The following NOVA1 variants were observed in gnomAD, a reference collection of about 807,000 sequenced individuals.
The protein encoded by NOVA1 is RNA-binding protein Nova-1.
Under a neutral mutation model 38.0 loss-of-function variants are expected in NOVA1, and 7 were observed. The observed-to-expected ratio is 0.18, with a 90% CI of 0.10 to 0.35. NOVA1 has a LOEUF of 0.35. Among genes scored for constraint, NOVA1 ranks in the 10% least tolerant of loss-of-function variants. The pLI, the probability that NOVA1 is intolerant of heterozygous loss-of-function variation, is 1.00. For synonymous variants in NOVA1, 270 were observed against 232.5 expected (o/e 1.16, Z -1.47); for missense variants, 460 against 616.0 (o/e 0.75, Z 2.68).
chr14:26,448,365 C>T lies in NOVA1; in HGVS notation c.1118G>A (p.Gly373Asp), dbSNP rs755720032. The T allele has an allele frequency of 1.2e-6, 2 of 1,613,874 alleles. No individual in the cohort carries two copies. The highest frequency in any genetic ancestry group is 2.7e-5 in the African/African-American group (2 of 74,932). The change falls in exon 5 of 5, where the codon GGC becomes GAC. Residue 373 changes from glycine (G) to aspartate (D), a missense_variant. Physicochemically the swap from Gly to Asp is moderately conservative, Grantham distance 94. Transcript: ENST00000539517. This position sits in a 1 kb window ranked among gnomAD's most constrained non-coding sequence, Gnocchi z 5.3. ...ATYASEASAS[G>D]STAGGTAGTF... ...CCCCGCCGTACCACCAGCTGTGCTG[C>T]CACTGGCTGAGGCTTCACTGGCATA...
At chr14:26,463,683 C>G (rs544451464) in intron 4 of NOVA1, among the ~76,000 whole-genome samples, 1 of 152,208 alleles carries the variant, frequency 6.6e-6, no homozygotes, top group East Asian at 1.9e-4. Flanking sequence ...ATACTCAAAT[C>G]TGGTAACTTT....
chr14:26,576,772 G>A (rs1331673185), intron 2 of NOVA1, among the ~76,000 whole-genome samples: 3 of 151,692 alleles, frequency 2.0e-5, no homozygotes, highest in Non-Finnish European at 4.4e-5. Flanking sequence ...TACTTAAGGT[G>A]TAAAACATGA....
At chr14:26,596,410 C>A (rs1000153975) in intron 1 of NOVA1, among the ~76,000 whole-genome samples, 1 of 152,124 alleles carries the variant, frequency 6.6e-6, no homozygotes, top group Non-Finnish European at 1.5e-5. Flanking sequence ...GAAAATTAAG[C>A]CAACTCCACA....
At chr14:26,572,290 T>C (rs1445046676) in intron 2 of NOVA1, among the ~76,000 whole-genome samples, 2 of 152,070 alleles carry the variant, frequency 1.3e-5, no homozygotes, top group African/African-American at 2.4e-5. Flanking sequence ...AAACAGAGAA[T>C]AGAAAAGGGA....
chr14:26,544,649 C>T (rs914685106), intron 2 of NOVA1, among the ~76,000 whole-genome samples: 3 of 151,446 alleles, frequency 2.0e-5, no homozygotes, highest in African/African-American at 7.3e-5. Context: ...AAAATTTAGT[C>T]TATTTTAAAA....
At chr14:26,509,733 T>A (rs1016829861) in intron 2 of NOVA1, among the ~76,000 whole-genome samples, 2 of 152,118 alleles carry the variant, frequency 1.3e-5, no homozygotes, top group Non-Finnish European at 2.9e-5. Context: ...TAGGCTGGAG[T>A]GCAATGGCAT....
chr14:26,559,794 T>C (rs1345292769), intron 2 of NOVA1, among the ~76,000 whole-genome samples: 3 of 152,086 alleles, frequency 2.0e-5, no homozygotes, highest in Admixed American at 1.3e-4. Flanking sequence ...TACAGTTTGA[T>C]AGTGTTTGAT....
chr14:26,466,693 A>G (rs1244332974), intron 4 of NOVA1, among the ~76,000 whole-genome samples: 1 of 152,190 alleles, frequency 6.6e-6, no homozygotes. Flanking sequence ...TTAATCCTCA[A>G]TGCAACAGTT....
intron 2 of NOVA1, among the ~76,000 whole-genome samples, chr14:26,540,197 C>A (rs576991135): frequency 3.9e-4 from 60 of 152,312 alleles, no homozygotes; most frequent in South Asian, 2.1e-3. Flanking sequence ...GGAGGTGAGC[C>A]ACAGGTGAGC....
chr14:26,531,756 A>T (rs2050974882), intron 2 of NOVA1, among the ~76,000 whole-genome samples: 2 of 152,220 alleles, frequency 1.3e-5, no homozygotes, highest in South Asian at 4.1e-4. Context: ...GGAAGGACAC[A>T]AACAAATAAA....
intron 2 of NOVA1, among the ~76,000 whole-genome samples, chr14:26,482,295 T>TA (rs1292499116): frequency 6.6e-6 from 1 of 151,832 alleles, no homozygotes; most frequent in Non-Finnish European, 1.5e-5. Flanking sequence ...ACTATTAACA[T>TA]AAAAAAAGGA....
chr14:26,460,220 A>G (rs1883536750), intron 4 of NOVA1, among the ~76,000 whole-genome samples: 4 of 151,956 alleles, frequency 2.6e-5, no homozygotes, highest in Admixed American at 1.3e-4. Context: ...GAGGTTGATT[A>G]TTTACTATCC....
At chr14:26,521,527 G>A (rs904753173) in intron 2 of NOVA1, among the ~76,000 whole-genome samples, 1 of 151,978 alleles carries the variant, frequency 6.6e-6, no homozygotes, top group Non-Finnish European at 1.5e-5. Flanking sequence ...ATAGACTGGT[G>A]CTTTTCCTTT....
chr14:26,476,517 A>C (rs1450453253), intron 3 of NOVA1, among the ~76,000 whole-genome samples: 1 of 152,090 alleles, frequency 6.6e-6, no homozygotes, highest in Non-Finnish European at 1.5e-5. Flanking sequence ...CAGTCTCCTT[A>C]CTATTCAACA....
intron 2 of NOVA1, among the ~76,000 whole-genome samples, chr14:26,487,063 T>C (rs1026111516): frequency 6.6e-6 from 1 of 152,164 alleles, no homozygotes; most frequent in Non-Finnish European, 1.5e-5. Context: ...GGTTACCAAA[T>C]TTATTGCTAT....
intron 2 of NOVA1, among the ~76,000 whole-genome samples, chr14:26,486,293 T>G (rs1885880711): frequency 6.6e-6 from 1 of 152,166 alleles, no homozygotes; most frequent in South Asian, 2.1e-4. Flanking sequence ...GCCACTTATT[T>G]TTGCTGTTTG....
chr14:26,570,264 T>C (rs902595383), intron 2 of NOVA1, among the ~76,000 whole-genome samples: 4 of 151,936 alleles, frequency 2.6e-5, no homozygotes, highest in African/African-American at 9.7e-5. Context: ...GGAAAACAGC[T>C]TGAACCTGGG....
Position 26,487,901 on chromosome 14 carries a change from A to G in NOVA1, c.281-7758T>C, listed in dbSNP as rs150491973. On this transcript the variant is annotated intron_variant, in intron 2 of 4. Transcript: ENST00000539517. ...AAGATTTTTTAGGACAAGTTTTCAG[A>G]TCAACAAAAGTACTTGATAAAATTG... Among the ~76,000 whole-genome samples the G allele has an allele frequency of 8.6e-3, 1,305 of 152,274 alleles. 13 individuals carry two copies. The highest frequency in any genetic ancestry group is 0.037 in the Middle Eastern group (11 of 294).
rs1881841026 is a variant in NOVA1 at position 26,443,444 on chromosome 14, AAC to A, written c.*4513_*4514del. On this transcript the variant is annotated 3_prime_UTR_variant, in exon 5 of 5. Transcript: ENST00000539517. The stretch of plus-strand genomic sequence containing the variant: ...ACAAGGTAATGCTTCAATTTTCAAG[AAC>A]AGTTTTTTTTGTTTATATAGACCAG... 1 of 152,014 alleles carries A rather than the reference AAC, an allele frequency of 6.6e-6. No individual in the cohort carries two copies. The highest frequency in any genetic ancestry group is 1.5e-5 in the Non-Finnish European group (1 of 67,902). 9.4% of individuals were successfully genotyped at this position (152,014 alleles called of 1,614,324 possible).
Sources: allele counts gnomAD v4.1 joint callset (sites outside exome capture counted in the v4.1 genomes callset), GRCh38; gene constraint gnomAD v4.1.1; non-coding constraint Gnocchi (gnomAD v3.1); transcripts MANE v1.5; gene names NCBI Gene and HGNC (gene_info 2026-07-23, HGNC 2026-07-21).